Variants in NOC3L observed in about 807,000 individuals in gnomAD.
NOC3L encodes the protein NOC3 like DNA replication regulator.
In NOC3L, 85 loss-of-function variants were observed where a neutral mutation model predicts 102.5. That is an observed-to-expected ratio of 0.83 (90% CI 0.70 to 0.99). The LOEUF is 0.99. Among genes scored for constraint, NOC3L ranks in the 50% least tolerant of loss-of-function variants. NOC3L has a pLI of 0.00. For missense variants in NOC3L, 878 were observed against 914.9 expected (o/e 0.96, Z 0.52); for synonymous variants, 303 against 309.4 (o/e 0.98, Z 0.22).
intron 14 of NOC3L, among the ~76,000 whole-genome samples, chr10:94,340,912 C>T (rs1040379275): frequency 4.7e-5 from 7 of 148,378 alleles, no homozygotes; most frequent in Admixed American, 6.8e-5. Context: ...ACCCGGGAGG[C>T]GGAGCTTGCA....
At position 94,339,879 on chromosome 10, in the gene NOC3L, C is replaced by G; in HGVS notation, c.1822G>C (p.Asp608His). 1 of 1,614,218 alleles carries G rather than the reference C, an allele frequency of 6.2e-7. No individual in the cohort carries two copies. The highest frequency in any genetic ancestry group is 8.5e-7 in the Non-Finnish European group (1 of 1,180,028). Residue 608 changes from aspartate (D) to histidine (H), a missense_variant, in exon 17 of 21, where the codon GAT (aspartate) becomes CAT (histidine). Asp to His is a moderately conservative substitution (Grantham distance 81). Coordinates refer to ENST00000371361, the MANE Select transcript of NOC3L (RefSeq NM_022451.11). ...EGVEIVLQCL[D>H]VMLTKRRKQV... ...TTTCTGCGCTTAGTTAGCATGACAT[C>G]AAGGCACTGGAGTACAATCTCAACA...
At chr10:94,321,875 C>T in the NOC3L span, 1 of 1,560,922 alleles carries the variant, frequency 6.4e-7, no homozygotes, top group Non-Finnish European at 8.8e-7. Flanking sequence ...CTATTATTTA[C>T]TCACATTTTT....
Position 94,340,303 on chromosome 10 carries a change from A to G in NOC3L, c.1753T>C (p.Tyr585His). Residue 585 changes from tyrosine (Y) to histidine (H), a missense_variant, in exon 16 of 21, where the codon TAC (tyrosine) becomes CAC (histidine). Tyr to His is a moderately conservative substitution (Grantham distance 83). Coordinates refer to ENST00000371361, the MANE Select transcript of NOC3L (RefSeq NM_022451.11). ...IDPLKFYTHLYKTLFKLHAGA... is the reference protein window; with the variant it reads ...IDPLKFYTHLHKTLFKLHAGA... Reference sequence around the variant, plus strand: ...GCATGTAATTTGAACAGTGTTTTGTAGAGATGTGTGTAGAATTTCAATGGA... The same window carrying G: ...GCATGTAATTTGAACAGTGTTTTGTGGAGATGTGTGTAGAATTTCAATGGA... 9.9e-6 allele frequency: 16 copies of G among 1,612,586 alleles called. No homozygotes were observed. Among genetic ancestry groups the G allele is most frequent in the Non-Finnish European group, 1.3e-5 (15 of 1,179,282 alleles).
intron 5 of NOC3L, among the ~76,000 whole-genome samples, chr10:94,356,317 AAT>A (rs1223234369): frequency 2.0e-5 from 3 of 152,334 alleles, no homozygotes; most frequent in Admixed American, 6.5e-5. Context: ...AGATATTACA[AAT>A]ATGATTGTGT....
At chr10:94,316,407 G>C in the NOC3L span, 1 of 650,464 alleles carries the variant, frequency 1.5e-6, no homozygotes, top group Non-Finnish European at 2.8e-6. Flanking sequence ...AGAATTCTTA[G>C]ATCTTCCAAA....
intron 2 of NOC3L, among the ~76,000 whole-genome samples, chr10:94,360,253 T>G (rs1589579606): frequency 6.6e-6 from 1 of 151,912 alleles, no homozygotes; most frequent in South Asian, 2.1e-4. Flanking sequence ...GAGTCGGGGG[T>G]TGCAGTGAGC....
At chr10:94,356,096 A>G (rs996679809) in intron 5 of NOC3L, among the ~76,000 whole-genome samples, 1 of 152,238 alleles carries the variant, frequency 6.6e-6, no homozygotes, top group Non-Finnish European at 1.5e-5. Context: ...CTTTGATTAA[A>G]TGGTCCTAGG....
intron 2 of NOC3L, chr10:94,361,444 A>G (rs2054550007): frequency 1.9e-6 from 1 of 517,770 alleles, no homozygotes; most frequent in African/African-American, 1.9e-5. Flanking sequence ...CAGACAAACT[A>G]AAAGCAGAAG....
chr10:94,319,212 G>A, the NOC3L span, among the ~76,000 whole-genome samples: 3 of 152,138 alleles, frequency 2.0e-5, no homozygotes, highest in Non-Finnish European at 2.9e-5. Flanking sequence ...TCCTTTATAT[G>A]CCTTTGTTAG....
downstream of NOC3L, chr10:94,329,776 CAAAAAAAAAAAAAAAAAAAAAAA>C (rs71031569): frequency 2.6e-5 from 1 of 37,942 alleles, no homozygotes; most frequent in Non-Finnish European, 4.6e-5. Context: ...GACTCCGTCT[CAAAAAAAAAAAAAAAAAAAAAAA>C]AAAAAAAAAA....
chr10:94,342,361 C>G (rs1160663973), intron 13 of NOC3L, among the ~76,000 whole-genome samples: 1 of 152,138 alleles, frequency 6.6e-6, no homozygotes, highest in African/African-American at 2.4e-5. Flanking sequence ...AGGTTAAAGT[C>G]AGGACATCTC....
chr10:94,362,018 A>G, intron 1 of NOC3L, 146 bp from the exon 2 acceptor site: 1 of 712,810 alleles, frequency 1.4e-6, no homozygotes, highest in Non-Finnish European at 2.5e-6. Flanking sequence ...CTAAAACCAA[A>G]CGATGGCTTT....
At chr10:94,337,026 G>A (rs527469805) in intron 19 of NOC3L, among the ~76,000 whole-genome samples, 8 of 146,664 alleles carry the variant, frequency 5.5e-5, no homozygotes, top group South Asian at 4.3e-4. Flanking sequence ...CCGAAATTGC[G>A]CCATTGCACT....
chr10:94,362,136 T>C (rs544437612), intron 1 of NOC3L, among the ~76,000 whole-genome samples: 1 of 152,324 alleles, frequency 6.6e-6, no homozygotes, highest in African/African-American at 2.4e-5. Context: ...CTAGTAGTGG[T>C]AAGTGGCTAT....
At position 94,349,334 on chromosome 10, in the gene NOC3L, T is replaced by C; in HGVS notation, c.1173A>G (p.Gln391=). 2 of 1,585,442 alleles carry C rather than the reference T, an allele frequency of 1.3e-6. No homozygotes were observed. The highest frequency in any genetic ancestry group is 1.7e-6 in the Non-Finnish European group (2 of 1,172,638). Residue 391 remains glutamine (Q), a synonymous_variant, in exon 10 of 21, where the codon CAA becomes CAG. Coordinates refer to ENST00000371361, the MANE Select transcript of NOC3L (RefSeq NM_022451.11). ...CAAGAGAAGCTTGGCCTAATTTATC[T>C]TGCTTAAAGAGTTTCTTCACAGCTT... ...CCEAVKKLFK[Q]DKLGQASLGV... is the part of the protein sequence containing the mutation.
At position 94,355,087 on chromosome 10, in the gene NOC3L, A is replaced by G; in HGVS notation, c.572T>C (p.Ile191Thr). 1 of 1,610,564 alleles carries G rather than the reference A, an allele frequency of 6.2e-7. No individual in the cohort carries two copies. The highest frequency in any genetic ancestry group is 8.5e-7 in the Non-Finnish European group (1 of 1,178,122). ...EEERELEEEI[I>T]EDPIQELTIE... is the part of the protein sequence containing the mutation. ...GGTCAGCTCTTGAATAGGATCTTCA[A>G]TGATCTCTAAAACAGATTAGATGTT... The change falls in exon 6 of 21, where the codon ATT becomes ACT. Residue 191 changes from isoleucine (I) to threonine (T), a missense_variant. Physicochemically the swap from Ile to Thr is moderately conservative, Grantham distance 89. Coordinates refer to ENST00000371361, the MANE Select transcript of NOC3L (RefSeq NM_022451.11).
intron 9 of NOC3L, among the ~76,000 whole-genome samples, chr10:94,349,827 C>T (rs2134000294): frequency 6.6e-6 from 1 of 152,214 alleles, no homozygotes; most frequent in East Asian, 1.9e-4. Context: ...GGCGCAATCT[C>T]AGCTCACTGC....
chr10:94,344,398 A>G lies in NOC3L; in HGVS notation c.1571+17T>C. The G allele has an allele frequency of 6.4e-7, 1 of 1,556,892 alleles. No individual in the cohort carries two copies. The highest frequency in any genetic ancestry group is 8.8e-7 in the Non-Finnish European group (1 of 1,135,190). On this transcript the variant is annotated intron_variant, in intron 13 of 20. Transcript: ENST00000371361. Reference sequence around the variant, plus strand: ...TTTAGAAGGAATCTAAAAGATTTCAACCTACACAGCCCTTACTTGGCAAGA... The same window carrying G: ...TTTAGAAGGAATCTAAAAGATTTCAGCCTACACAGCCCTTACTTGGCAAGA...
At chr10:94,318,650 C>G in the NOC3L span, among the ~76,000 whole-genome samples, 17 of 152,128 alleles carry the variant, frequency 1.1e-4, no homozygotes, top group African/African-American at 4.1e-4. Context: ...TTGGGAGGAG[C>G]AGGAGGCAGT....
Sources: gnomAD v4.1 joint callset for allele counts (sites outside exome capture counted in the v4.1 genomes callset) on GRCh38, gnomAD v4.1.1 for gene constraint, MANE v1.5 for transcripts, NCBI Gene and HGNC (gene_info 2026-07-23, HGNC 2026-07-21) for gene names.